Variants in TBXAS1 observed in about 807,000 individuals in gnomAD.
TBXAS1 encodes the protein thromboxane A synthase 1, also known as thromboxane-A synthase.
TBXAS1 carries 48 observed loss-of-function variants against 60.7 expected under a neutral mutation model. That is an observed-to-expected ratio of 0.79 (90% confidence interval 0.63 to 1.01). The LOEUF is 1.01. Among genes scored for constraint, TBXAS1 ranks in the 50% least tolerant of loss-of-function variants. The pLI is 0.00. For missense variants in TBXAS1, 685 were observed against 686.3 expected (o/e 1.00, Z 0.02); for synonymous variants, 287 against 269.7 (o/e 1.06, Z -0.63).
chr7:139,785,079 C>T (rs1334349058), intron 3 of TBXAS1, among the ~76,000 whole-genome samples: 1 of 152,050 alleles, frequency 6.6e-6, no homozygotes, highest in African/African-American at 2.4e-5. Flanking sequence ...GAATTTACTC[C>T]CTAGGGGATA....
At chr7:139,788,071 C>T (rs1461908742) in intron 4 of TBXAS1, among the ~76,000 whole-genome samples, 3 of 152,174 alleles carry the variant, frequency 2.0e-5, no homozygotes, top group Admixed American at 6.5e-5. Context: ...CAACAATTGT[C>T]AATCTGATAC....
At chr7:139,875,737 A>G in intron 3 of TBXAS1, 100 bp downstream of exon 3, 1 of 1,423,710 alleles carries the variant, frequency 7.0e-7, no homozygotes, top group South Asian at 1.2e-5. Flanking sequence ...AAATGCCAAG[A>G]TTAGGAATGT....
At chr7:139,882,120 G>T (rs760313431) in intron 3 of TBXAS1, among the ~76,000 whole-genome samples, 3 of 152,176 alleles carry the variant, frequency 2.0e-5, no homozygotes, top group African/African-American at 2.4e-5. Context: ...ATTTAGATGG[G>T]GTTGAAGAAC....
At chr7:139,850,284 AT>A (rs1800121989) in intron 1 of TBXAS1, among the ~76,000 whole-genome samples, 1 of 152,196 alleles carries the variant, frequency 6.6e-6, no homozygotes, top group African/African-American at 2.4e-5. Context: ...CTTTTTTCCT[AT>A]AAAAAAGATG....
chr7:139,782,927 A>G lies in TBXAS1; in HGVS notation c.-169+198A>G, dbSNP rs78932490. Among the ~76,000 whole-genome samples the G allele has an allele frequency of 3.1e-3, 470 of 151,974 alleles. 3 individuals are homozygous for G. The highest frequency in any genetic ancestry group is 0.011 in the African/African-American group (451 of 41,432). On this transcript the variant is annotated intron_variant, in intron 3 of 16. Transcript: ENST00000336425. ...TGTTTCTTAACAAGTCATAATAGAG[A>G]CCTATTTTTGTTTGGATTATTCTTA...
chr7:139,833,178 C>T (rs1244270302), intron 1 of TBXAS1, among the ~76,000 whole-genome samples: 1 of 152,158 alleles, frequency 6.6e-6, no homozygotes. Context: ...CCTAAATGCT[C>T]CACTTAAAAG....
intron 9 of TBXAS1, among the ~76,000 whole-genome samples, chr7:139,993,439 A>G (rs1813067474): frequency 6.6e-6 from 1 of 152,220 alleles, no homozygotes; most frequent in Non-Finnish European, 1.5e-5. Context: ...AAATCAAGGT[A>G]TCCATCAGTG....
chr7:139,954,817 T>A (rs928107206), intron 6 of TBXAS1, among the ~76,000 whole-genome samples: 24 of 152,226 alleles, frequency 1.6e-4, no homozygotes, highest in African/African-American at 5.5e-4. Context: ...AAGCACAATG[T>A]ATGTTTTCTG....
At chr7:139,898,365 G>T (rs898298910) in intron 3 of TBXAS1, among the ~76,000 whole-genome samples, 8 of 145,034 alleles carry the variant, frequency 5.5e-5, no homozygotes, top group African/African-American at 1.5e-4. Context: ...GGAGCTGAAA[G>T]CCCTCATCAG....
rs1034708983 is a variant in TBXAS1 at position 139,824,227 on chromosome 7, G to T, written c.-79-5085G>T. 5.9e-5 allele frequency among the ~76,000 whole-genome samples: 9 copies of T among 152,214 alleles called. No homozygotes were observed. In the East Asian group the frequency reaches 1.7e-3, roughly 29 times the overall value. ...AGTAGGAGTGGGGGAAAAAGACTTG[G>T]AGTGAGTGGAGACAGGGTAAGCAAA... On this transcript the variant is annotated intron_variant, in intron 4 of 16. Transcript: ENST00000336425.
rs945512007 is a variant in TBXAS1 at position 139,912,973 on chromosome 7, A to C, written c.333+1652A>C. The C allele has an allele frequency of 1.4e-5, 9 of 629,090 alleles. No homozygotes were observed. In the African/African-American group the frequency reaches 1.6e-4, roughly 11 times the overall value. 39.0% of individuals were successfully genotyped at this position (629,090 alleles called of 1,614,324 possible). On this transcript the variant is annotated intron_variant, in intron 4 of 12. Coordinates refer to ENST00000448866, the MANE Select transcript of TBXAS1 (RefSeq NM_001061.7). ...AAGTCTAGAGCTCTTTTTACTGCCA[A>C]AGCTGTGACAGCTGCCTCAGTGACA...
chr7:139,949,420 A>G lies in TBXAS1; in HGVS notation c.451-3948A>G, dbSNP rs142260409. ...GTTTATGGGATTTTATTAAACTAGG[A>G]TTCAGTTGTACCACTAAACTTATTA... On this transcript the variant is annotated intron_variant, in intron 5 of 12. Transcript: ENST00000448866. Among the ~76,000 whole-genome samples the G allele has an allele frequency of 3.5e-3, 532 of 152,334 alleles. 4 individuals are homozygous for G. Among genetic ancestry groups the G allele is most frequent in the African/African-American group, 0.012 (515 of 41,578 alleles).
intron 4 of TBXAS1, among the ~76,000 whole-genome samples, chr7:139,820,365 A>G (rs1798265120): frequency 6.6e-6 from 1 of 152,132 alleles, no homozygotes; most frequent in African/African-American, 2.4e-5. Context: ...AGGAGATAGG[A>G]TGGGCCATGT....
chr7:139,984,636 G>GGGAGAAAGAA (rs1554503287), intron 9 of TBXAS1, among the ~76,000 whole-genome samples: 2 of 70,910 alleles, frequency 2.8e-5, no homozygotes, highest in Non-Finnish European at 5.8e-5. Flanking sequence ...GAGAGAGAGA[G>GGGAGAAAGAA]AGAGAGAAAG....
chr7:139,935,761 G>A (rs1442138461), intron 4 of TBXAS1, among the ~76,000 whole-genome samples: 2 of 151,958 alleles, frequency 1.3e-5, no homozygotes, highest in Non-Finnish European at 2.9e-5. Flanking sequence ...TGTCAACTTC[G>A]GGTCCAACCT....
chr7:139,911,142 C>A, intron 3 of TBXAS1, 83 bp from the exon 4 acceptor site: 2 of 1,176,950 alleles, frequency 1.7e-6, no homozygotes, highest in Non-Finnish European at 2.6e-6. Context: ...TTTTATCCCT[C>A]ATTCTAAGCT....
At chr7:140,007,351 G>T (rs896133051) in intron 10 of TBXAS1, among the ~76,000 whole-genome samples, 169 bp downstream of exon 10, 1 of 152,102 alleles carries the variant, frequency 6.6e-6, no homozygotes, top group African/African-American at 2.4e-5. Flanking sequence ...TATCTGGCCC[G>T]CTTTCCTACA....
chr7:139,822,694 C>T (rs1798331482), intron 4 of TBXAS1, among the ~76,000 whole-genome samples: 1 of 152,130 alleles, frequency 6.6e-6, no homozygotes, highest in Admixed American at 6.5e-5. Flanking sequence ...TCCTTGACGT[C>T]CCCCTCTTCT....
At chr7:139,878,037 G>A (rs1802379892) in intron 3 of TBXAS1, among the ~76,000 whole-genome samples, 1 of 151,856 alleles carries the variant, frequency 6.6e-6, no homozygotes, top group Non-Finnish European at 1.5e-5. Context: ...GAGCCTTTGG[G>A]TATTTAAAAA....
Sources: gnomAD v4.1 joint callset for allele counts (sites outside exome capture counted in the v4.1 genomes callset) on GRCh38, gnomAD v4.1.1 for gene constraint, MANE v1.5 for transcripts, NCBI Gene and HGNC (gene_info 2026-07-23, HGNC 2026-07-21) for gene names.